Variants in PSPC1 observed in about 807,000 individuals in gnomAD.
PSPC1 encodes paraspeckle protein 1.
Under a neutral mutation model 51.6 loss-of-function variants are expected in PSPC1, and 14 were observed. That is an observed-to-expected ratio of 0.27 (90% CI 0.18 to 0.42). The LOEUF (loss-of-function observed/expected upper bound fraction) is 0.42, where lower values mean the gene tolerates loss of function less well. Among genes scored for constraint, PSPC1 ranks in the 10% least tolerant of loss-of-function variants. The pLI, the probability that PSPC1 is intolerant of heterozygous loss-of-function variation, is 1.00. For missense variants in PSPC1, 406 were observed against 701.1 expected (o/e 0.58, Z 4.75); for synonymous variants, 193 against 231.9 (o/e 0.83, Z 1.53).
chr13:19,709,928 C>T (rs1247955850), intron 6 of PSPC1, among the ~76,000 whole-genome samples: 1 of 151,954 alleles, frequency 6.6e-6, no homozygotes, highest in African/African-American at 2.4e-5. Flanking sequence ...AAAGGAAAAT[C>T]TAGTAATGAT....
chr13:19,759,871 A>G (rs569265049), intron 2 of PSPC1, among the ~76,000 whole-genome samples: 57 of 151,894 alleles, frequency 3.8e-4, no homozygotes, highest in African/African-American at 1.3e-3. Context: ...CAAAAAAAAA[A>G]AAAAATCAGT....
downstream of PSPC1, among the ~76,000 whole-genome samples, chr13:19,701,975 T>G (rs1879962454): frequency 6.6e-6 from 1 of 152,182 alleles, no homozygotes; most frequent in African/African-American, 2.4e-5. Flanking sequence ...ATAAAATCAG[T>G]TTCTCCCTAG....
intron 1 of PSPC1, among the ~76,000 whole-genome samples, chr13:19,774,815 AAAAC>A (rs1461539104): frequency 3.3e-5 from 5 of 149,854 alleles, no homozygotes; most frequent in Non-Finnish European, 5.9e-5. Context: ...CAAAAAAAAA[AAAAC>A]AAAAAAAAAA....
At position 19,682,431 on chromosome 13, in the gene PSPC1, T is replaced by C. The variant is rs536011607; in HGVS notation, c.1159-4608A>G. ...GAAGCTAGTTAAATAGCAATATGGG[T>C]GTACGGTGATCAAAGAAAAAGCAGG... On this transcript the variant is annotated intron_variant and NMD_transcript_variant, in intron 6 of 7. Transcript: ENST00000471658. Among the ~76,000 whole-genome samples the C allele has an allele frequency of 4.8e-5, 7 of 145,722 alleles. No homozygotes were observed. In the South Asian group the frequency reaches 1.5e-3, roughly 32 times the overall value.
chr13:19,735,845 C>T (rs1302367492), intron 5 of PSPC1, among the ~76,000 whole-genome samples: 1 of 151,554 alleles, frequency 6.6e-6, no homozygotes, highest in Admixed American at 6.6e-5. Context: ...TTTTTTGAGA[C>T]GCAGTCCCCT....
chr13:19,767,297 G>C (rs1403692269), intron 2 of PSPC1, among the ~76,000 whole-genome samples: 2 of 152,054 alleles, frequency 1.3e-5, no homozygotes, highest in African/African-American at 4.8e-5. Flanking sequence ...GATATAGCAC[G>C]AATTTCAGTT....
intron 3 of PSPC1, among the ~76,000 whole-genome samples, chr13:19,752,550 T>A (rs140802294): frequency 2.6e-5 from 4 of 152,132 alleles, no homozygotes; most frequent in African/African-American, 9.6e-5. Context: ...ACACCACACC[T>A]GGTCCCCAGT....
intron 6 of PSPC1, among the ~76,000 whole-genome samples, chr13:19,723,624 C>A (rs933844981): frequency 5.3e-5 from 8 of 152,152 alleles, no homozygotes; most frequent in African/African-American, 2.4e-5. Context: ...TAACTCAACA[C>A]CTGGTTAAAA....
intron 4 of PSPC1, among the ~76,000 whole-genome samples, chr13:19,745,953 A>C (rs980212305): frequency 6.7e-6 from 1 of 149,668 alleles, no homozygotes; most frequent in African/African-American, 2.5e-5. Context: ...TGTGATGTTT[A>C]TCCTCTGTTG....
chr13:19,706,148 C>T (rs1593577450), intron 7 of PSPC1, among the ~76,000 whole-genome samples: 2 of 152,198 alleles, frequency 1.3e-5, no homozygotes, highest in Admixed American at 6.5e-5. Context: ...CAAAGAATCC[C>T]TAACAATGGG....
intron 6 of PSPC1, among the ~76,000 whole-genome samples, chr13:19,712,497 T>C (rs1488626478): frequency 6.6e-6 from 1 of 152,200 alleles, no homozygotes; most frequent in Non-Finnish European, 1.5e-5. Flanking sequence ...CCTTCTTTTA[T>C]TATTAAATCC....
At chr13:19,687,488 C>A (rs1878045822) in intron 6 of PSPC1, among the ~76,000 whole-genome samples, 1 of 152,194 alleles carries the variant, frequency 6.6e-6, no homozygotes, top group Non-Finnish European at 1.5e-5. Flanking sequence ...ACTCTACTGA[C>A]AATTCTCTAG....
At chr13:19,757,523 G>C (rs1479910355) in intron 3 of PSPC1, among the ~76,000 whole-genome samples, 2 of 152,292 alleles carry the variant, frequency 1.3e-5, no homozygotes, top group East Asian at 3.9e-4. Flanking sequence ...GAGAGATGAG[G>C]CAGGAAAATA....
At chr13:19,730,946 G>GAAAAAAAAAAAAAAAAAAAAAAAAAAA (rs1168386647) in intron 5 of PSPC1, among the ~76,000 whole-genome samples, 2 of 25,250 alleles carry the variant, frequency 7.9e-5, no homozygotes, top group East Asian at 4.0e-3. Context: ...CCCTGTCTCA[G>GAAAAAAAAAAAAAAAAAAAAAAAAAAA]AAAAAAAAAA....
downstream of PSPC1, among the ~76,000 whole-genome samples, chr13:19,699,115 T>C (rs183960323): frequency 2.1e-3 from 313 of 152,072 alleles, 4 homozygotes; most frequent in African/African-American, 7.1e-3. Context: ...CAATCATTAA[T>C]ATTGTTATTC....
At chr13:19,707,438 A>T (rs1445514906) in intron 7 of PSPC1, among the ~76,000 whole-genome samples, 2 of 152,250 alleles carry the variant, frequency 1.3e-5, no homozygotes, top group African/African-American at 4.8e-5. Flanking sequence ...GTGATACACC[A>T]GAAAATCTGC....
chr13:19,702,173 G>A (rs190842493), downstream of PSPC1, among the ~76,000 whole-genome samples: 42 of 152,284 alleles, frequency 2.8e-4, no homozygotes, highest in African/African-American at 1.0e-3. Context: ...ATTCCTTGGA[G>A]ACAAATGGTC....
At chr13:19,754,275 G>A (rs564498569) in intron 3 of PSPC1, among the ~76,000 whole-genome samples, 4 of 151,280 alleles carry the variant, frequency 2.6e-5, no homozygotes, top group East Asian at 2.0e-4. Context: ...TAGTAGAGAC[G>A]GGGTTTCACC....
rs1890061087 is a variant in PSPC1 at position 19,782,297 on chromosome 13, C to A, written c.372+89G>T. The A allele has an allele frequency of 2.7e-6, 4 of 1,460,080 alleles. No individual in the cohort carries two copies. Among genetic ancestry groups the A allele is most frequent in the South Asian group, 2.9e-5 (2 of 69,386 alleles). The allele number at this position is 1,460,080 out of a possible 1,614,324, so 90.4% of individuals were successfully genotyped here. A position where few individuals can be genotyped will look rare whatever the true frequency, so the allele number is the denominator to read the frequency against. On this transcript the variant is annotated intron_variant, in intron 1 of 8. Coordinates refer to ENST00000338910, the MANE Select transcript of PSPC1 (RefSeq NM_001354909.2). This position sits in a 1 kb window ranked among gnomAD's most constrained non-coding sequence, Gnocchi z 4.5. Reference sequence around the variant, plus strand: ...CCACGGTTGCCACAGGTTGAGACAGCGTCCTAGGACGAGGCTGGCCTCAGC... The same window carrying A: ...CCACGGTTGCCACAGGTTGAGACAGAGTCCTAGGACGAGGCTGGCCTCAGC...
Sources: allele counts gnomAD v4.1 joint callset (sites outside exome capture counted in the v4.1 genomes callset), GRCh38; gene constraint gnomAD v4.1.1; non-coding constraint Gnocchi (gnomAD v3.1); transcripts MANE v1.5; gene names NCBI Gene and HGNC (gene_info 2026-07-23, HGNC 2026-07-21).